PDE8B: variants seen among roughly 807,000 people sequenced by gnomAD.
PDE8B encodes the protein phosphodiesterase 8B.
Under a neutral mutation model 101.3 loss-of-function variants are expected in PDE8B, and 26 were observed. The observed-to-expected ratio is 0.26, with a 90% CI of 0.19 to 0.36. The LOEUF (loss-of-function observed/expected upper bound fraction) is 0.36, where lower values mean the gene tolerates loss of function less well. PDE8B is among the 10% of genes least tolerant of loss of function. PDE8B has a pLI of 1.00. For missense variants in PDE8B, 810 were observed against 1,163.1 expected (o/e 0.70, Z 4.42); for synonymous variants, 424 against 429.3 (o/e 0.99, Z 0.15).
intron 1 of PDE8B, among the ~76,000 whole-genome samples, chr5:77,273,350 A>G (rs1763163076): frequency 6.6e-6 from 1 of 152,178 alleles, no homozygotes; most frequent in African/African-American, 2.4e-5. Flanking sequence ...CTATTATATT[A>G]TTTTTCCTAT....
At chr5:77,328,106 A>G (rs7717216) in intron 3 of PDE8B, among the ~76,000 whole-genome samples, 43,584 of 152,056 alleles carry the variant, frequency 0.29, 7,818 homozygotes, top group African/African-American at 0.51. Flanking sequence ...CTTGGAGATC[A>G]TGGTTCCCTT....
chr5:77,416,065 C>T (rs1795484298), intron 17 of PDE8B, among the ~76,000 whole-genome samples: 3 of 152,270 alleles, frequency 2.0e-5, no homozygotes, highest in Admixed American at 2.0e-4. Context: ...TGCTACTCTC[C>T]TCTGCTAGTG....
the PDE8B span, among the ~76,000 whole-genome samples, chr5:77,102,551 G>T: frequency 6.6e-6 from 1 of 152,212 alleles, no homozygotes; most frequent in Non-Finnish European, 1.5e-5. Context: ...AGGAAGCGTT[G>T]TTCATTATTT....
Position 77,340,570 on chromosome 5 carries a change from C to G in PDE8B, c.797+3255C>G, listed in dbSNP as rs142443441. ...TTTCCCTACAAGCCACCGCCTTGCCCAGTCCTACCCTTGTTCCAGGCAGCC... is the reference window on the plus strand; with the variant it reads ...TTTCCCTACAAGCCACCGCCTTGCCGAGTCCTACCCTTGTTCCAGGCAGCC... On this transcript the variant is annotated intron_variant, in intron 6 of 21. Coordinates refer to ENST00000264917, the MANE Select transcript of PDE8B (RefSeq NM_003719.5). 2.0e-5 allele frequency among the ~76,000 whole-genome samples: 3 copies of G among 151,596 alleles called. No individual in the cohort carries two copies. In the East Asian group the frequency reaches 5.8e-4, roughly 29 times the overall value.
chr5:77,288,792 A>G (rs1188840326), intron 1 of PDE8B, among the ~76,000 whole-genome samples: 2 of 150,446 alleles, frequency 1.3e-5, no homozygotes, highest in Middle Eastern at 3.5e-3. Flanking sequence ...GGTAAAATCT[A>G]GGTCTGTGCT....
At chr5:77,166,755 C>T in the PDE8B span, 1 of 152,178 alleles carries the variant, frequency 6.6e-6, no homozygotes, top group East Asian at 1.9e-4. Flanking sequence ...AGGGCCCAGG[C>T]ACCCTATGAA....
rs554388013 is a variant in PDE8B at position 77,390,294 on chromosome 5, A to G, written c.1168-9954A>G. On this transcript the variant is annotated intron_variant, in intron 10 of 21. Transcript: ENST00000264917. The stretch of plus-strand genomic sequence containing the variant: ...AGGACAGCAAAATTTGTGGCAACTT[A>G]TAATATTTTGAAGTAATTAAGGGTT... Among the ~76,000 whole-genome samples, 369 of 152,334 alleles carry G rather than the reference A, an allele frequency of 2.4e-3. 1 individual carries two copies. The highest frequency in any genetic ancestry group is 3.6e-3 in the Non-Finnish European group (243 of 68,030).
chr5:77,423,739 G>C (rs1797266425), intron 20 of PDE8B, among the ~76,000 whole-genome samples: 1 of 140,108 alleles, frequency 7.1e-6, no homozygotes, highest in Non-Finnish European at 1.5e-5. Flanking sequence ...TCCCAGGCTT[G>C]AGCAATTCTG....
At chr5:77,392,640 G>A (rs1790177955) in intron 10 of PDE8B, among the ~76,000 whole-genome samples, 1 of 152,192 alleles carries the variant, frequency 6.6e-6, no homozygotes, top group Non-Finnish European at 1.5e-5. Flanking sequence ...TGGCAGATTA[G>A]CATCCAAGAT....
chr5:77,095,443 C>A, the PDE8B span, among the ~76,000 whole-genome samples: 5 of 152,290 alleles, frequency 3.3e-5, no homozygotes, highest in Non-Finnish European at 5.9e-5. Flanking sequence ...GAAATGATCC[C>A]ATTGTTTATT....
chr5:77,351,242 A>G lies in PDE8B; in HGVS notation c.1106+89A>G, dbSNP rs536833583. On this transcript the variant is annotated intron_variant, in intron 9 of 21. Transcript: ENST00000264917. ...GGCTTGAAATGCCAGTATGAGCCTTACATCCACAAATGCAGTAGGGTTGTG... is the reference window on the plus strand; with the variant it reads ...GGCTTGAAATGCCAGTATGAGCCTTGCATCCACAAATGCAGTAGGGTTGTG... 1.5e-5 allele frequency: 14 copies of G among 950,294 alleles called. No individual in the cohort carries two copies. The East Asian group carries it at 2.9e-4, about 20-fold the overall frequency. 58.9% of individuals were successfully genotyped at this position (950,294 alleles called of 1,614,324 possible).
chr5:77,167,704 A>C, the PDE8B span, among the ~76,000 whole-genome samples: 1 of 152,200 alleles, frequency 6.6e-6, no homozygotes, highest in African/African-American at 2.4e-5. Context: ...GCTCCTGAGC[A>C]GGAAAATTTG....
At chr5:77,390,264 G>A (rs1006422869) in intron 10 of PDE8B, among the ~76,000 whole-genome samples, 9 of 152,244 alleles carry the variant, frequency 5.9e-5, no homozygotes, top group Admixed American at 1.3e-4. Flanking sequence ...AAAGCATTTA[G>A]CACAAGGACA....
At chr5:77,099,696 C>T in the PDE8B span, among the ~76,000 whole-genome samples, 1 of 152,016 alleles carries the variant, frequency 6.6e-6, no homozygotes, top group Non-Finnish European at 1.5e-5. Flanking sequence ...ACTGCAACCT[C>T]CGCCTCCCAG....
intron 1 of PDE8B, among the ~76,000 whole-genome samples, chr5:77,216,443 C>T (rs924792102): frequency 6.6e-6 from 1 of 152,110 alleles, no homozygotes; most frequent in Admixed American, 6.5e-5. Context: ...AAAGAGGTTA[C>T]CCTTATAAAA....
chr5:77,294,297 A>G (rs1768039491), intron 1 of PDE8B, among the ~76,000 whole-genome samples: 1 of 152,230 alleles, frequency 6.6e-6, no homozygotes, highest in Non-Finnish European at 1.5e-5. Flanking sequence ...CTGGCAGACA[A>G]ACAGACTTCT....
intron 1 of PDE8B, among the ~76,000 whole-genome samples, chr5:77,288,839 CTTTT>C (rs55906951): frequency 4.7e-5 from 6 of 128,334 alleles, no homozygotes; most frequent in African/African-American, 8.6e-5. Flanking sequence ...CTGCCCCCAT[CTTTT>C]TTTTTTTTTT....
intron 14 of PDE8B, among the ~76,000 whole-genome samples, chr5:77,409,270 C>CA (rs1365125193): frequency 1.3e-5 from 2 of 152,172 alleles, no homozygotes; most frequent in East Asian, 3.8e-4. Context: ...GCTGGCCTAC[C>CA]ATAGCCATGG....
chr5:77,230,947 A>G (rs552303149), intron 1 of PDE8B, among the ~76,000 whole-genome samples: 7 of 152,318 alleles, frequency 4.6e-5, no homozygotes, highest in African/African-American at 1.4e-4. Context: ...AGACCTCTCA[A>G]TAAGAACTGA....
Sources: allele counts gnomAD v4.1 joint callset (sites outside exome capture counted in the v4.1 genomes callset), GRCh38; gene constraint gnomAD v4.1.1; transcripts MANE v1.5; gene names NCBI Gene and HGNC (gene_info 2026-07-23, HGNC 2026-07-21).